Variants in SUGCT observed in about 807,000 individuals in gnomAD.
SUGCT encodes succinyl-CoA:glutarate-CoA transferase.
In SUGCT, 41 loss-of-function variants were observed where a neutral mutation model predicts 55.0. The observed-to-expected ratio is 0.74, with a 90% CI of 0.58 to 0.97. The LOEUF (loss-of-function observed/expected upper bound fraction) is 0.97. Among genes scored for constraint, SUGCT ranks in the 50% least tolerant of loss-of-function variants. The probability of loss-of-function intolerance (pLI) is 0.00; values close to 1 mark genes in which losing one functional copy is unlikely to be tolerated. For missense variants in SUGCT, 568 were observed against 547.8 expected, an observed-to-expected ratio of 1.04 and a Z score of -0.37; for synonymous variants, 187 against 200.4, an observed-to-expected ratio of 0.93 and a Z score of 0.56.
chr7:40,848,059 T>G (rs1793666739), intron 13 of SUGCT, among the ~76,000 whole-genome samples: 1 of 152,202 alleles, frequency 6.6e-6, no homozygotes. Context: ...ACTTTAGGCC[T>G]GCAATGTAAG....
At position 40,329,633 on chromosome 7, in the gene SUGCT, G is replaced by C. The variant is rs149731823; in HGVS notation, c.816+12778G>C. 7.7e-3 allele frequency among the ~76,000 whole-genome samples: 1,176 copies of C among 152,270 alleles called. 14 individuals carry two copies. Among genetic ancestry groups the C allele is most frequent in the African/African-American group, 0.027 (1,116 of 41,572 alleles). On this transcript the variant is annotated intron_variant, in intron 9 of 13. Transcript: ENST00000335693. Reference sequence around the variant, plus strand: ...GGAGTGGCAGCATTGGCATCACCTGGAAGTTAGAAGTAATAGATTCATTCT... The same window carrying C: ...GGAGTGGCAGCATTGGCATCACCTGCAAGTTAGAAGTAATAGATTCATTCT...
At chr7:40,391,930 C>G (rs1161255435) in intron 9 of SUGCT, among the ~76,000 whole-genome samples, 1 of 152,128 alleles carries the variant, frequency 6.6e-6, no homozygotes, top group Non-Finnish European at 1.5e-5. Context: ...ATGACACACA[C>G]ACACCATGGA....
chr7:40,796,203 C>G (rs1353920593), intron 13 of SUGCT, among the ~76,000 whole-genome samples: 1 of 152,112 alleles, frequency 6.6e-6, no homozygotes, highest in African/African-American at 2.4e-5. Context: ...CTAATAGCAT[C>G]TAGAAGTAGG....
chr7:40,249,315 A>ATCTATATCTATATATATATATC (rs1314961773), intron 7 of SUGCT, among the ~76,000 whole-genome samples: 3,385 of 33,346 alleles, frequency 0.1, 111 homozygotes, highest in Non-Finnish European at 0.16. Flanking sequence ...CCAAAAAGCT[A>ATCTATATCTATATATATATATC]TATATATATA....
intron 12 of SUGCT, among the ~76,000 whole-genome samples, chr7:40,560,136 C>T (rs921479585): frequency 6.6e-6 from 1 of 152,128 alleles, no homozygotes; most frequent in African/African-American, 2.4e-5. Flanking sequence ...ACTTCCTATG[C>T]GTGGAGTTAA....
chr7:40,773,094 A>G (rs2128730172), intron 13 of SUGCT, among the ~76,000 whole-genome samples: 1 of 152,128 alleles, frequency 6.6e-6, no homozygotes, highest in Middle Eastern at 3.4e-3. Flanking sequence ...GGGCACATGG[A>G]ATCATTTGAC....
At chr7:40,450,646 C>T (rs1038704488) in intron 10 of SUGCT, among the ~76,000 whole-genome samples, 12 of 151,912 alleles carry the variant, frequency 7.9e-5, no homozygotes, top group Non-Finnish European at 2.9e-5. Context: ...GTGTGGCAGC[C>T]ATGCGCCTGT....
At chr7:40,911,057 C>G in the SUGCT span, among the ~76,000 whole-genome samples, 1 of 152,078 alleles carries the variant, frequency 6.6e-6, no homozygotes. Context: ...GTACCCCCTC[C>G]CATCTTCATT....
intron 12 of SUGCT, among the ~76,000 whole-genome samples, chr7:40,724,683 T>G (rs1406889965): frequency 6.7e-6 from 1 of 150,324 alleles, no homozygotes; most frequent in Non-Finnish European, 1.5e-5. Flanking sequence ...GAATATGTAT[T>G]ATATGTAAGT....
At chr7:40,922,623 G>T in the SUGCT span, among the ~76,000 whole-genome samples, 1 of 152,146 alleles carries the variant, frequency 6.6e-6, no homozygotes, top group Non-Finnish European at 1.5e-5. Flanking sequence ...AGCTTCTCTT[G>T]AAAGAATCCA....
At chr7:40,202,440 G>A (rs1373123752) in intron 6 of SUGCT, among the ~76,000 whole-genome samples, 4 of 152,152 alleles carry the variant, frequency 2.6e-5, no homozygotes, top group South Asian at 2.1e-4. Context: ...TTGCATGTGT[G>A]TGTGTTTGTA....
Position 40,215,768 on chromosome 7 carries a change from A to T in SUGCT, c.484+20708A>T, listed in dbSNP as rs369802006. Reference sequence around the variant, plus strand: ...TCCCAGCTACTTGGGAGGCTGAGGCAGGAGAATGGTGTGAACCCGGGAGGC... The same window carrying T: ...TCCCAGCTACTTGGGAGGCTGAGGCTGGAGAATGGTGTGAACCCGGGAGGC... On this transcript the variant is annotated intron_variant, in intron 6 of 13. Transcript: ENST00000335693. Among the ~76,000 whole-genome samples, 122 of 152,084 alleles carry T rather than the reference A, an allele frequency of 8.0e-4. 2 individuals are homozygous for T. The East Asian group carries it at 0.02, about 25-fold the overall frequency.
rs550286279 is a variant in SUGCT, at chr7:40,722,506, A to G, written c.1090-26928A>G. 4.6e-5 allele frequency among the ~76,000 whole-genome samples: 7 copies of G among 152,320 alleles called. No homozygotes were observed. In the South Asian group the frequency reaches 1.5e-3, roughly 32 times the overall value. On this transcript the variant is annotated intron_variant, in intron 12 of 13. Transcript: ENST00000335693. Reference sequence around the variant, plus strand: ...AAACAGTCAGTTTTAGACCAAATATAGTCAATTCCAAAAAGCAGTCAAGCC... The same window carrying G: ...AAACAGTCAGTTTTAGACCAAATATGGTCAATTCCAAAAAGCAGTCAAGCC...
intron 9 of SUGCT, among the ~76,000 whole-genome samples, chr7:40,428,839 C>G (rs1787738046): frequency 6.6e-6 from 1 of 152,168 alleles, no homozygotes; most frequent in Non-Finnish European, 1.5e-5. Context: ...AACTTTCACA[C>G]TGTTTCATAT....
In SUGCT at chr7:40,826,283, C is replaced by G. The variant is rs115434276; in HGVS notation, c.1154-34033C>G. ...TGATACACTATCTTCAAGTTTAGGGCAAAGCATTTAGTATTCAGGAAAATT... is the reference window on the plus strand; with the variant it reads ...TGATACACTATCTTCAAGTTTAGGGGAAAGCATTTAGTATTCAGGAAAATT... On this transcript the variant is annotated intron_variant, in intron 13 of 13. Coordinates refer to ENST00000335693, the MANE Select transcript of SUGCT (RefSeq NM_001193313.2). 5.5e-3 allele frequency among the ~76,000 whole-genome samples: 844 copies of G among 152,190 alleles called. 11 individuals carry two copies. Among genetic ancestry groups the G allele is most frequent in the African/African-American group, 0.019 (808 of 41,516 alleles).
intron 3 of SUGCT, 148 bp downstream of exon 3, chr7:40,182,176 T>A: frequency 1.7e-6 from 1 of 604,492 alleles, no homozygotes; most frequent in Non-Finnish European, 2.9e-6. Flanking sequence ...CATTTCTTGT[T>A]TTCCTGTGAA....
At chr7:40,800,375 G>A (rs1045039303) in intron 13 of SUGCT, among the ~76,000 whole-genome samples, 1 of 148,344 alleles carries the variant, frequency 6.7e-6, no homozygotes, top group African/African-American at 2.5e-5. Context: ...TGCAACCTCC[G>A]CCTCCTGGGT....
chr7:40,902,152 G>A, the SUGCT span, among the ~76,000 whole-genome samples: 17 of 152,296 alleles, frequency 1.1e-4, no homozygotes, highest in Admixed American at 9.2e-4. Flanking sequence ...AACAGACACC[G>A]TGAAATGAGT....
chr7:40,418,276 A>G (rs1046694583), intron 9 of SUGCT, among the ~76,000 whole-genome samples: 23 of 152,146 alleles, frequency 1.5e-4, no homozygotes, highest in Non-Finnish European at 2.2e-4. Flanking sequence ...AAGGATTCAG[A>G]TGGGAAATCT....
Sources: gnomAD v4.1 joint callset for allele counts (sites outside exome capture counted in the v4.1 genomes callset) on GRCh38, gnomAD v4.1.1 for gene constraint, MANE v1.5 for transcripts, NCBI Gene and HGNC (gene_info 2026-07-23, HGNC 2026-07-21) for gene names.